ENPP2: variants seen among roughly 807,000 people sequenced by gnomAD.
ENPP2 encodes the protein ectonucleotide pyrophosphatase/phosphodiesterase 2.
In ENPP2, 51 loss-of-function variants were observed where a neutral mutation model predicts 120.2. That is an observed-to-expected ratio of 0.42 (90% confidence interval 0.34 to 0.54). ENPP2 has a LOEUF of 0.54. Ranked by LOEUF, ENPP2 falls within the 20% of genes least tolerant of loss-of-function variation. The pLI, the probability that ENPP2 is intolerant of heterozygous loss-of-function variation, is 0.04. For missense variants in ENPP2, 920 were observed against 1,066.5 expected, an observed-to-expected ratio of 0.86 and a Z score of 1.91; for synonymous variants, 365 against 366.4, an observed-to-expected ratio of 1.00 and a Z score of 0.04.
At chr8:119,657,660 C>T (rs1817805753) in intron 1 of ENPP2, among the ~76,000 whole-genome samples, 2 of 152,204 alleles carry the variant, frequency 1.3e-5, no homozygotes, top group African/African-American at 4.8e-5. Flanking sequence ...CTCTGAAATA[C>T]CCGCATTCCC....
At chr8:119,619,711 T>TAA (rs561905279) in intron 4 of ENPP2, among the ~76,000 whole-genome samples, 6 of 110,542 alleles carry the variant, frequency 5.4e-5, no homozygotes, top group East Asian at 2.5e-4. Flanking sequence ...CTTTAGATGC[T>TAA]AAAAAAAAAA....
chr8:119,626,314 C>CA lies in ENPP2; in HGVS notation c.292+250dup, dbSNP rs370527965. 3.2e-3 allele frequency among the ~76,000 whole-genome samples: 490 copies of CA among 152,212 alleles called. 5 individuals are homozygous for CA. Among genetic ancestry groups the CA allele is most frequent in the African/African-American group, 0.011 (470 of 41,544 alleles). On this transcript the variant is annotated intron_variant, in intron 3 of 24. Transcript: ENST00000075322. ...GAAGGTGAAGAAACAAAAACAAAAA[C>CA]AAAAAACATTTGCAAAACCAGCACA...
chr8:119,601,338 C>G, intron 10 of ENPP2, 59 bp downstream of exon 10: 2 of 1,185,018 alleles, frequency 1.7e-6, no homozygotes, highest in Non-Finnish European at 2.5e-6. Context: ...TAGTGTTTCA[C>G]GCAATTCTAA....
In ENPP2 at chr8:119,617,169, C is replaced by T. The variant is rs758431016; in HGVS notation, c.652G>A (p.Ala218Thr). The T allele has an allele frequency of 6.2e-7, 1 of 1,607,606 alleles. No homozygotes were observed. The highest frequency in any genetic ancestry group is 1.1e-5 in the South Asian group (1 of 90,922). Residue 218 changes from alanine (A) to threonine (T), a missense_variant, in exon 7 of 25, where the codon GCC becomes ACC. Transcript: ENST00000075322. ...TCATTCGAAAAAATACTTACAGTGG[C>T]CAAAGTGTATAAGTTAGGAAAGGTT... ...TKTFPNLYTLATGLYPESHGI... is the reference protein window; with the variant it reads ...TKTFPNLYTLTTGLYPESHGI...
At chr8:119,669,449 G>T (rs539032374) in intron 1 of ENPP2, among the ~76,000 whole-genome samples, 1 of 152,258 alleles carries the variant, frequency 6.6e-6, no homozygotes, top group East Asian at 1.9e-4. Flanking sequence ...TACACAAGTA[G>T]CAATTGCCAG....
intron 19 of ENPP2, chr8:119,572,713 G>A (rs1004984996): frequency 1.2e-5 from 2 of 160,500 alleles, no homozygotes; most frequent in African/African-American, 2.4e-5. Context: ...CCTTGGTTGT[G>A]CCAGACCTTG....
rs746070485 is a variant in ENPP2 at position 119,568,253 on chromosome 8, C to T, written c.2054-1G>A. 1 of 1,545,820 alleles carries T rather than the reference C, an allele frequency of 6.5e-7. No individual in the cohort carries two copies. The highest frequency in any genetic ancestry group is 8.9e-7 in the Non-Finnish European group (1 of 1,124,830). Reference sequence around the variant, plus strand: ...TTAGCCTCTGGTGAAGAGCTCAGATCTAAACATTAGGAAAACAAATAGTAT... The same window carrying T: ...TTAGCCTCTGGTGAAGAGCTCAGATTTAAACATTAGGAAAACAAATAGTAT... On this transcript the variant is annotated splice_acceptor_variant, in intron 21 of 24. Transcript: ENST00000075322. LOFTEE classifies it high-confidence loss of function.
upstream of ENPP2, among the ~76,000 whole-genome samples, chr8:119,641,672 C>G (rs1318994276): frequency 6.6e-6 from 1 of 152,166 alleles, no homozygotes. Flanking sequence ...CAGAATCACC[C>G]TGGAGCCTTG....
intron 1 of ENPP2, among the ~76,000 whole-genome samples, chr8:119,653,719 A>G (rs1817688468): frequency 6.6e-6 from 1 of 152,102 alleles, no homozygotes; most frequent in Non-Finnish European, 1.5e-5. Flanking sequence ...CACTGGAGGG[A>G]TTTAATCAGA....
At chr8:119,563,158 C>G (rs1587320250) in intron 23 of ENPP2, 145 bp from the exon 24 acceptor site, 1 of 652,884 alleles carries the variant, frequency 1.5e-6, no homozygotes, top group Admixed American at 3.1e-5. Context: ...AGCACTAGCC[C>G]ACTTCTATGT....
In ENPP2 at chr8:119,568,215, G is replaced by T. The variant is rs1226062557; in HGVS notation, c.2091C>A (p.Phe697Leu). 1 of 1,600,428 alleles carries T rather than the reference G, an allele frequency of 6.2e-7. No individual in the cohort carries two copies. The highest frequency in any genetic ancestry group is 8.6e-7 in the Non-Finnish European group (1 of 1,168,638). Reference sequence around the variant, plus strand: ...ACATTGGAACCATATTGGTTACAAGGAATGCATCATATTTAGCCTCTGGTG... The same window carrying T: ...ACATTGGAACCATATTGGTTACAAGTAATGCATCATATTTAGCCTCTGGTG... ...SSSPEAKYDA[F>L]LVTNMVPMYP... Residue 697 changes from phenylalanine to leucine, a missense_variant, in exon 22 of 25, where the codon TTC becomes TTA. By Grantham distance (22) the Phe-to-Leu change is conservative. Transcript: ENST00000075322.
chr8:119,580,044 G>A (rs531810945), intron 19 of ENPP2, 72 bp downstream of exon 19: 2 of 1,004,190 alleles, frequency 2.0e-6, no homozygotes, highest in East Asian at 4.7e-5. Context: ...ACACTATAAT[G>A]TAAATAAGAA....
At chr8:119,632,546 T>C (rs1816748066) in intron 2 of ENPP2, among the ~76,000 whole-genome samples, 1 of 152,200 alleles carries the variant, frequency 6.6e-6, no homozygotes, top group Non-Finnish European at 1.5e-5. Context: ...AAACCTCAAA[T>C]TTTAAAATAC....
intron 18 of ENPP2, 109 bp from the exon 19 acceptor site, chr8:119,580,276 T>C (rs2130279740): frequency 2.4e-6 from 2 of 826,230 alleles, no homozygotes; most frequent in East Asian, 4.8e-5. Context: ...AAGCGAACTC[T>C]AAACTCCATC....
intron 11 of ENPP2, among the ~76,000 whole-genome samples, chr8:119,599,515 A>G (rs1304640566): frequency 1.3e-5 from 2 of 152,194 alleles, no homozygotes; most frequent in African/African-American, 4.8e-5. Context: ...GCAGTGTCCT[A>G]TGGGTTACTA....
At chr8:119,585,515 T>C (rs564924321) in intron 15 of ENPP2, among the ~76,000 whole-genome samples, 2 of 152,304 alleles carry the variant, frequency 1.3e-5, no homozygotes, top group Admixed American at 6.5e-5. Context: ...TTCACAGCAC[T>C]TTTCTTAAGT....
chr8:119,565,501 T>C (rs1473748709), intron 22 of ENPP2, among the ~76,000 whole-genome samples: 2 of 152,182 alleles, frequency 1.3e-5, no homozygotes, highest in African/African-American at 2.4e-5. Context: ...TAATGTTCCT[T>C]CCTAATCCTG....
chr8:119,563,890 A>C (rs1471334852), intron 23 of ENPP2, among the ~76,000 whole-genome samples: 2 of 151,730 alleles, frequency 1.3e-5, no homozygotes, highest in Non-Finnish European at 2.9e-5. Flanking sequence ...CTAAATCACA[A>C]TTAAACCCTC....
intron 2 of ENPP2, among the ~76,000 whole-genome samples, chr8:119,631,012 A>G (rs1240911896): frequency 1.3e-5 from 2 of 149,598 alleles, no homozygotes; most frequent in Non-Finnish European, 3.0e-5. Context: ...CTCCTGCCTC[A>G]GCCTCCCGAG....
Sources: gnomAD v4.1 joint callset for allele counts (sites outside exome capture counted in the v4.1 genomes callset) on GRCh38, gnomAD v4.1.1 for gene constraint, MANE v1.5 for transcripts, NCBI Gene and HGNC (gene_info 2026-07-23, HGNC 2026-07-21) for gene names.